Variants in HERPUD2 observed in about 807,000 individuals in gnomAD.
HERPUD2 encodes HERPUD family member 2, also known as homocysteine-responsive endoplasmic reticulum-resident ubiquitin-like domain member 2 protein.
In HERPUD2, 13 loss-of-function variants were observed where a neutral mutation model predicts 49.9. That is an observed-to-expected ratio of 0.26 (90% CI 0.17 to 0.41). HERPUD2 has a LOEUF of 0.41. Among genes scored for constraint, HERPUD2 ranks in the 10% least tolerant of loss-of-function variants. The probability of loss-of-function intolerance (pLI) is 1.00; values close to 1 mark genes in which losing one functional copy is unlikely to be tolerated. For missense variants in HERPUD2, 449 were observed against 492.2 expected (o/e 0.91, Z 0.83); for synonymous variants, 172 against 171.4 (o/e 1.00, Z -0.03).
intron 5 of HERPUD2, among the ~76,000 whole-genome samples, chr7:35,639,033 CTT>C (rs981148190): frequency 6.9e-5 from 10 of 144,452 alleles, no homozygotes; most frequent in African/African-American, 7.6e-5. Flanking sequence ...AATTTTATTT[CTT>C]TTTTTTTTTT....
intron 5 of HERPUD2, among the ~76,000 whole-genome samples, chr7:35,664,501 A>T (rs1487864329): frequency 6.6e-6 from 1 of 152,126 alleles, no homozygotes; most frequent in African/African-American, 2.4e-5. Flanking sequence ...ACTTGGTTGC[A>T]TTCTCCCCAT....
Position 35,659,433 on chromosome 7 carries a change from T to C in HERPUD2, c.494+8001A>G, listed in dbSNP as rs1391625254. Reference sequence around the variant, plus strand: ...CATACACAGAGATGCTTATAAATGTTTGCTGAATGTACAACATTCACTTAT... The same window carrying C: ...CATACACAGAGATGCTTATAAATGTCTGCTGAATGTACAACATTCACTTAT... On this transcript the variant is annotated intron_variant, in intron 5 of 8. Coordinates refer to ENST00000311350, the MANE Select transcript of HERPUD2 (RefSeq NM_022373.5). 2.6e-5 allele frequency among the ~76,000 whole-genome samples: 4 copies of C among 152,258 alleles called. No homozygotes were observed. The East Asian group carries it at 7.7e-4, about 29-fold the overall frequency.
intron 3 of HERPUD2, among the ~76,000 whole-genome samples, chr7:35,672,932 C>T (rs1785673353): frequency 6.6e-6 from 1 of 152,056 alleles, no homozygotes; most frequent in Non-Finnish European, 1.5e-5. Flanking sequence ...CTACTGACGT[C>T]AATAGCATTT....
intron 2 of HERPUD2, among the ~76,000 whole-genome samples, chr7:35,682,060 G>A (rs530669885): frequency 7.9e-5 from 12 of 151,928 alleles, no homozygotes; most frequent in Non-Finnish European, 1.5e-4. Flanking sequence ...ATAATCTGAA[G>A]TTTTTGGTTT....
intron 3 of HERPUD2, 54 bp downstream of exon 3, chr7:35,673,147 T>C (rs1562682180): frequency 4.5e-6 from 6 of 1,337,794 alleles, no homozygotes; most frequent in Non-Finnish European, 5.3e-6. Flanking sequence ...TCAGAACATA[T>C]CTCCTCTCAC....
chr7:35,673,324 A>C, intron 2 of HERPUD2, 46 bp from the exon 3 acceptor site: 3 of 1,455,802 alleles, frequency 2.1e-6, no homozygotes, highest in Non-Finnish European at 2.9e-6. Context: ...CTAATTATGC[A>C]AATTGAAGGT....
At chr7:35,674,708 T>G (rs1583563410) in intron 2 of HERPUD2, among the ~76,000 whole-genome samples, 1 of 143,828 alleles carries the variant, frequency 7.0e-6, no homozygotes, top group African/African-American at 2.6e-5. Flanking sequence ...TAAGGTTGAG[T>G]TGACAAACCA....
Position 35,633,744 on chromosome 7 carries a change from G to A in HERPUD2, c.1167C>T (p.Ile389=). 3 of 1,613,890 alleles carry A rather than the reference G, an allele frequency of 1.9e-6. No individual in the cohort carries two copies. The highest frequency in any genetic ancestry group is 2.5e-6 in the Non-Finnish European group (3 of 1,179,862). ...GTATTAGTGAAGTAAAGAAGGTGGT[G>A]ATGAAAGACCAAGCTGAAGCCATTA... is the stretch of plus-strand genomic sequence containing the variant. ...PGLMASAWSF[I]TTFFTSLIPE... is the part of the protein sequence containing the mutation. Residue 389 remains isoleucine (I), a synonymous_variant, in exon 9 of 9, where the codon ATC becomes ATT. Coordinates refer to ENST00000311350, the MANE Select transcript of HERPUD2 (RefSeq NM_022373.5).
At chr7:35,656,551 T>C (rs1287567397) in intron 5 of HERPUD2, among the ~76,000 whole-genome samples, 1 of 152,116 alleles carries the variant, frequency 6.6e-6, no homozygotes, top group Admixed American at 6.6e-5. Context: ...ATCACACAAT[T>C]TGACTTGAAA....
intron 5 of HERPUD2, among the ~76,000 whole-genome samples, chr7:35,654,535 T>A (rs531780521): frequency 7.2e-6 from 1 of 139,052 alleles, no homozygotes; most frequent in Non-Finnish European, 1.5e-5. Context: ...CAAGATTGAA[T>A]CAGGAAGAAA....
chr7:35,649,254 A>G (rs547240039), intron 5 of HERPUD2, among the ~76,000 whole-genome samples: 2 of 148,336 alleles, frequency 1.3e-5, no homozygotes, highest in Non-Finnish European at 3.0e-5. Flanking sequence ...CCATCTCTGA[A>G]AAAAAAAAAA....
chr7:35,681,071 A>G (rs901835663), intron 2 of HERPUD2, among the ~76,000 whole-genome samples: 13 of 152,372 alleles, frequency 8.5e-5, no homozygotes, highest in East Asian at 5.8e-4. Context: ...GAATCACAAC[A>G]TTAAAACACT....
intron 5 of HERPUD2, among the ~76,000 whole-genome samples, chr7:35,641,249 C>T (rs1784963281): frequency 6.6e-6 from 1 of 152,126 alleles, no homozygotes; most frequent in African/African-American, 2.4e-5. Context: ...TAAAACCTAA[C>T]TCTTTGATTG....
chr7:35,639,504 G>T (rs1745620302), intron 5 of HERPUD2, among the ~76,000 whole-genome samples: 1 of 151,976 alleles, frequency 6.6e-6, no homozygotes, highest in South Asian at 2.1e-4. Context: ...TTCCAACACC[G>T]AACATGATGC....
chr7:35,685,247 A>C (rs1229106339), intron 2 of HERPUD2, among the ~76,000 whole-genome samples: 1 of 151,556 alleles, frequency 6.6e-6, no homozygotes, highest in African/African-American at 2.4e-5. Context: ...AAAAAAAAAA[A>C]CAGAAAAGAA....
At chr7:35,640,150 A>G (rs1295412954) in intron 5 of HERPUD2, among the ~76,000 whole-genome samples, 2 of 152,242 alleles carry the variant, frequency 1.3e-5, no homozygotes, top group Non-Finnish European at 2.9e-5. Context: ...TGTTTTGTAC[A>G]ACTCAGCATT....
At chr7:35,665,631 A>T (rs1785521277) in intron 5 of HERPUD2, among the ~76,000 whole-genome samples, 1 of 152,200 alleles carries the variant, frequency 6.6e-6, no homozygotes, top group African/African-American at 2.4e-5. Context: ...CCCCAGTGAG[A>T]TGAACCTGGT....
intron 2 of HERPUD2, among the ~76,000 whole-genome samples, 183 bp downstream of exon 2, chr7:35,694,001 C>A (rs760512222): frequency 6.6e-5 from 10 of 152,080 alleles, no homozygotes; most frequent in Non-Finnish European, 1.0e-4. Context: ...TGAACCTCAT[C>A]AGGAAAATAT....
rs559219274 is a variant in HERPUD2, at chr7:35,694,534, G to A, written c.-204C>T. On this transcript the variant is annotated 5_prime_UTR_variant, in exon 2 of 9. Coordinates refer to ENST00000311350, the MANE Select transcript of HERPUD2 (RefSeq NM_022373.5). Reference sequence around the variant, plus strand: ...GAGGTGGTGGCGACTGCGACGGTGGGGTCTGGGTGCCCGGCCGTGGAGGCA... The same window carrying A: ...GAGGTGGTGGCGACTGCGACGGTGGAGTCTGGGTGCCCGGCCGTGGAGGCA... 8.4e-6 allele frequency: 5 copies of A among 592,526 alleles called. No homozygotes were observed. In the East Asian group the frequency reaches 1.4e-4, roughly 17 times the overall value. 36.7% of individuals were successfully genotyped at this position (592,526 alleles called of 1,614,324 possible).
Sources: gnomAD v4.1 joint callset for allele counts (sites outside exome capture counted in the v4.1 genomes callset) on GRCh38, gnomAD v4.1.1 for gene constraint, MANE v1.5 for transcripts, NCBI Gene and HGNC (gene_info 2026-07-23, HGNC 2026-07-21) for gene names.